The following ABHD2 variants were observed in gnomAD, a reference collection of about 807,000 sequenced individuals.
The protein encoded by ABHD2 is monoacylglycerol lipase ABHD2.
Under a neutral mutation model 48.1 loss-of-function variants are expected in ABHD2, and 20 were observed. The observed-to-expected ratio is 0.42, with a 90% CI of 0.29 to 0.60. The LOEUF (loss-of-function observed/expected upper bound fraction) is 0.60, where lower values mean the gene tolerates loss of function less well. ABHD2 is among the 20% of genes least tolerant of loss of function. The pLI, the probability that ABHD2 is intolerant of heterozygous loss-of-function variation, is 0.24. For missense variants in ABHD2, 405 were observed against 550.9 expected, an observed-to-expected ratio of 0.74 and a Z score of 2.65; for synonymous variants, 209 against 214.2, an observed-to-expected ratio of 0.98 and a Z score of 0.21.
chr15:89,064,739 GT>G, the ABHD2 span, among the ~76,000 whole-genome samples: 1 of 152,130 alleles, frequency 6.6e-6, no homozygotes, highest in South Asian at 2.1e-4. Flanking sequence ...ATTATTTACA[GT>G]TTTTTTGCTT....
intron 3 of ABHD2, among the ~76,000 whole-genome samples, chr15:89,128,921 T>A (rs999079929): frequency 5.9e-5 from 9 of 152,108 alleles, no homozygotes; most frequent in African/African-American, 1.9e-4. Context: ...AGAGGTCTTC[T>A]AAGGTGGAAT....
chr15:89,157,912 A>G (rs758701329), intron 5 of ABHD2, among the ~76,000 whole-genome samples: 22 of 152,126 alleles, frequency 1.4e-4, no homozygotes, highest in Admixed American at 6.5e-5. Context: ...CAGGGTGAAT[A>G]GTGAGTATGT....
At chr15:89,192,017 A>G (rs875390) in intron 9 of ABHD2, among the ~76,000 whole-genome samples, 71,702 of 151,738 alleles carry the variant, frequency 0.47, 17,234 homozygotes, top group Non-Finnish European at 0.5. Flanking sequence ...GTGGCCAACC[A>G]AAATCTCCAT....
intron 6 of ABHD2, chr15:89,183,210 T>C (rs1183427045): frequency 6.6e-6 from 1 of 151,934 alleles, no homozygotes; most frequent in Non-Finnish European, 1.5e-5. Flanking sequence ...TGTTTGTTTG[T>C]TTGTTTATTT....
Position 89,122,170 on chromosome 15 carries a change from C to T in ABHD2, c.194+5649C>T, listed in dbSNP as rs11856902. Among the ~76,000 whole-genome samples the T allele has an allele frequency of 4.2e-3, 642 of 152,288 alleles. 3 individuals carry two copies. Among genetic ancestry groups the T allele is most frequent in the African/African-American group, 0.014 (580 of 41,560 alleles). ...TCTGAGATACTATTCTCTAACTTGC[C>T]GCCCTACTCCTCTTTAGCCAGAATG... On this transcript the variant is annotated intron_variant, in intron 3 of 10. Transcript: ENST00000352732.
At chr15:89,154,149 C>T (rs533150254) in intron 4 of ABHD2, among the ~76,000 whole-genome samples, 25 of 152,242 alleles carry the variant, frequency 1.6e-4, no homozygotes, top group Middle Eastern at 3.4e-3. Flanking sequence ...TTTACAGATA[C>T]GGTCATTGTG....
chr15:89,079,596 C>A, the ABHD2 span, among the ~76,000 whole-genome samples: 1 of 152,352 alleles, frequency 6.6e-6, no homozygotes, highest in South Asian at 2.1e-4. This position sits in a 1 kb window ranked among gnomAD's most constrained non-coding sequence, Gnocchi z 4.3. Context: ...CATGAACCCT[C>A]TCCCCAGTGA....
the ABHD2 span, among the ~76,000 whole-genome samples, chr15:89,060,835 C>T: frequency 6.6e-6 from 1 of 151,982 alleles, no homozygotes. Flanking sequence ...TTGTCCTGTG[C>T]CTTTTTAAGT....
rs559414736 is a variant in ABHD2 at position 89,132,631 on chromosome 15, A to C, written c.194+16110A>C. On this transcript the variant is annotated intron_variant, in intron 3 of 10. Coordinates refer to ENST00000352732, the MANE Select transcript of ABHD2 (RefSeq NM_152924.5). ...AGCTATTTCAAATTGATATGAAATT[A>C]AGAGGACTCTGAATATGCATTTCAT... Among the ~76,000 whole-genome samples, 30 of 152,370 alleles carry C rather than the reference A, an allele frequency of 2.0e-4. 1 individual carries two copies. In the South Asian group the frequency reaches 6.0e-3, roughly 30 times the overall value.
chr15:89,157,436 G>A (rs1396030683), intron 5 of ABHD2, among the ~76,000 whole-genome samples: 3 of 152,190 alleles, frequency 2.0e-5, no homozygotes, highest in Non-Finnish European at 4.4e-5. Context: ...TTTGTGCCAA[G>A]CAGGGTGTTG....
intron 1 of ABHD2, among the ~76,000 whole-genome samples, chr15:89,108,736 A>C (rs903635359): frequency 8.5e-5 from 13 of 152,232 alleles, no homozygotes; most frequent in African/African-American, 3.1e-4. Flanking sequence ...CTGAAAGAAA[A>C]TATATAACTG....
At chr15:89,172,484 T>C (rs2050946169) in intron 5 of ABHD2, among the ~76,000 whole-genome samples, 1 of 152,256 alleles carries the variant, frequency 6.6e-6, no homozygotes, top group African/African-American at 2.4e-5. Flanking sequence ...TAATATTGCA[T>C]TGTACACATG....
intron 5 of ABHD2, among the ~76,000 whole-genome samples, chr15:89,169,026 A>C (rs1021426158): frequency 1.3e-5 from 2 of 152,130 alleles, no homozygotes; most frequent in Non-Finnish European, 2.9e-5. Context: ...TGGGGAGGTC[A>C]AGGCTGCAGT....
At chr15:89,131,540 GA>G (rs957646390) in intron 3 of ABHD2, among the ~76,000 whole-genome samples, 6 of 152,072 alleles carry the variant, frequency 3.9e-5, no homozygotes, top group African/African-American at 1.4e-4. Flanking sequence ...GTGTGTCCAA[GA>G]AAAAGCAAAA....
intron 3 of ABHD2, among the ~76,000 whole-genome samples, chr15:89,144,150 T>C (rs1318487187): frequency 6.6e-6 from 1 of 152,214 alleles, no homozygotes; most frequent in Non-Finnish European, 1.5e-5. Flanking sequence ...TTCTTTTTTT[T>C]TGAGATACGG....
chr15:89,083,062 C>G (rs538118733), upstream of ABHD2, among the ~76,000 whole-genome samples: 8 of 152,294 alleles, frequency 5.3e-5, no homozygotes, highest in South Asian at 2.1e-4. The surrounding 1 kb of genome is among the most constrained non-coding windows in gnomAD (Gnocchi z 5.1). Flanking sequence ...ACCATGTTGG[C>G]CAGGCTGGTC....
the ABHD2 span, among the ~76,000 whole-genome samples, chr15:89,080,153 A>G: frequency 6.6e-6 from 1 of 152,240 alleles, no homozygotes; most frequent in South Asian, 2.1e-4. Context: ...CACTCTGCTC[A>G]TAAAGCCGGA....
chr15:89,122,991 A>G (rs1036247797), intron 3 of ABHD2, among the ~76,000 whole-genome samples: 7 of 152,184 alleles, frequency 4.6e-5, no homozygotes, highest in African/African-American at 1.4e-4. Flanking sequence ...CCACAGCCAC[A>G]TGTATGTGGG....
At chr15:89,061,535 G>A in the ABHD2 span, among the ~76,000 whole-genome samples, 12 of 152,110 alleles carry the variant, frequency 7.9e-5, no homozygotes, top group South Asian at 2.1e-4. Flanking sequence ...TAATAAACCC[G>A]CACATATACC....
Sources: gnomAD v4.1 joint callset for allele counts (sites outside exome capture counted in the v4.1 genomes callset) on GRCh38, gnomAD v4.1.1 for gene constraint, Gnocchi (gnomAD v3.1) non-coding constraint, MANE v1.5 for transcripts, NCBI Gene and HGNC (gene_info 2026-07-23, HGNC 2026-07-21) for gene names.